The following ADAMTS17 variants were observed in gnomAD, a reference collection of about 807,000 sequenced individuals.
ADAMTS17 encodes the protein ADAM metallopeptidase with thrombospondin type 1 motif 17, also known as A disintegrin and metalloproteinase with thrombospondin motifs 17.
ADAMTS17 carries 113 observed loss-of-function variants against 141.5 expected under a neutral mutation model. That is an observed-to-expected ratio of 0.80 (90% CI 0.69 to 0.93). The LOEUF is 0.93. Ranked by LOEUF, ADAMTS17 falls within the 40% of genes least tolerant of loss-of-function variation. The pLI is 0.00. For synonymous variants in ADAMTS17, 768 were observed against 630.6 expected, an observed-to-expected ratio of 1.22 and a Z score of -3.27; for missense variants, 1,659 against 1,517.9, an observed-to-expected ratio of 1.09 and a Z score of -1.54.
At chr15:100,187,458 C>T (rs891730121) in intron 8 of ADAMTS17, among the ~76,000 whole-genome samples, 3 of 152,110 alleles carry the variant, frequency 2.0e-5, no homozygotes, top group African/African-American at 7.2e-5. Flanking sequence ...AGGCAGGTAC[C>T]AGGCTCAACC....
rs192511825 is a variant in ADAMTS17, at chr15:100,235,711, G to A, written c.1075+18425C>T. 2.4e-4 allele frequency among the ~76,000 whole-genome samples: 37 copies of A among 152,268 alleles called. 1 individual carries two copies. The highest frequency in any genetic ancestry group is 7.9e-4 in the African/African-American group (33 of 41,550). ...CTCTCTTCCCAAACACCACCACGGA[G>A]GACTTCCAGGGCCCTCTCTGACATC... On this transcript the variant is annotated intron_variant, in intron 7 of 21. Transcript: ENST00000268070.
intron 12 of ADAMTS17, among the ~76,000 whole-genome samples, chr15:100,118,113 G>T (rs1040363405): frequency 6.6e-6 from 1 of 152,208 alleles, no homozygotes; most frequent in African/African-American, 2.4e-5. Context: ...TACTCCAGGG[G>T]TTGAAAACAT....
chr15:100,334,755 C>T (rs1160678903), intron 2 of ADAMTS17, among the ~76,000 whole-genome samples: 6 of 152,196 alleles, frequency 3.9e-5, no homozygotes, highest in Non-Finnish European at 7.3e-5. Flanking sequence ...TGAGCACAGA[C>T]GCTTGGTCTT....
intron 7 of ADAMTS17, among the ~76,000 whole-genome samples, chr15:100,218,692 A>G (rs965693109): frequency 5.3e-5 from 8 of 152,230 alleles, no homozygotes; most frequent in Non-Finnish European, 1.0e-4. Context: ...TCAACCTAGA[A>G]TTACCATCTG....
intron 3 of ADAMTS17, among the ~76,000 whole-genome samples, chr15:100,310,480 A>G (rs1264917968): frequency 6.6e-6 from 1 of 152,166 alleles, no homozygotes; most frequent in Non-Finnish European, 1.5e-5. Flanking sequence ...AATCCACGGG[A>G]CCCCAACCTA....
In ADAMTS17 at chr15:99,974,387, C is replaced by G; in HGVS notation, c.*15G>C. ...GACCTGAGTCTGAGCTTTGAGCGAC[C>G]CTTGGGACTGCGTGTCACGAGTTCG... On this transcript the variant is annotated 3_prime_UTR_variant, in exon 22 of 22. Coordinates refer to ENST00000268070, the MANE Select transcript of ADAMTS17 (RefSeq NM_139057.4). 2 of 1,614,006 alleles carry G rather than the reference C, an allele frequency of 1.2e-6. No homozygotes were observed. Among genetic ancestry groups the G allele is most frequent in the South Asian group, 1.1e-5 (1 of 91,066 alleles).
intron 3 of ADAMTS17, among the ~76,000 whole-genome samples, chr15:100,323,951 G>C (rs565785234): frequency 6.6e-6 from 1 of 150,498 alleles, no homozygotes; most frequent in East Asian, 2.0e-4. Flanking sequence ...TGCTTCCGGG[G>C]AATAAGCCAG....
chr15:100,241,302 C>A (rs1391046273), intron 7 of ADAMTS17, among the ~76,000 whole-genome samples: 2 of 152,220 alleles, frequency 1.3e-5, no homozygotes, highest in African/African-American at 4.8e-5. Flanking sequence ...CACACCCTGG[C>A]AGGTCACCTG....
At chr15:99,984,352 A>G (rs1206823408) in intron 20 of ADAMTS17, among the ~76,000 whole-genome samples, 3 of 152,236 alleles carry the variant, frequency 2.0e-5, no homozygotes, top group African/African-American at 7.2e-5. Context: ...CAAAAGCTGC[A>G]GTGAGACAGC....
intron 8 of ADAMTS17, among the ~76,000 whole-genome samples, chr15:100,163,685 A>G (rs572871153): frequency 1.8e-4 from 28 of 152,180 alleles, no homozygotes; most frequent in Non-Finnish European, 3.5e-4. Context: ...GCTCTAAGAA[A>G]TGGCTGCTGT....
chr15:99,977,881 C>A (rs1289269498), intron 20 of ADAMTS17, among the ~76,000 whole-genome samples: 1 of 152,156 alleles, frequency 6.6e-6, no homozygotes, highest in South Asian at 2.1e-4. Context: ...ACAGCCAGGT[C>A]CATGAGTATA....
intron 18 of ADAMTS17, among the ~76,000 whole-genome samples, chr15:100,019,149 G>A (rs1241005073): frequency 2.0e-5 from 3 of 152,186 alleles, no homozygotes; most frequent in South Asian, 2.1e-4. Flanking sequence ...GCAACACGGC[G>A]AGTTCCCAGG....
chr15:100,036,879 G>A (rs2030773738), intron 18 of ADAMTS17, among the ~76,000 whole-genome samples: 1 of 152,098 alleles, frequency 6.6e-6, no homozygotes, highest in Non-Finnish European at 1.5e-5. Context: ...CATGTTTTCA[G>A]GGTTTCTCTG....
At chr15:100,198,313 G>C (rs1237902788) in intron 8 of ADAMTS17, among the ~76,000 whole-genome samples, 5 of 151,994 alleles carry the variant, frequency 3.3e-5, no homozygotes, top group Non-Finnish European at 7.4e-5. Flanking sequence ...CAAACAAAAA[G>C]TAAAGCCACA....
chr15:100,134,702 G>A (rs1171404712), intron 10 of ADAMTS17, among the ~76,000 whole-genome samples: 1 of 152,196 alleles, frequency 6.6e-6, no homozygotes, highest in Non-Finnish European at 1.5e-5. Flanking sequence ...AAGAGAAAGG[G>A]AAGGAAGGCA....
chr15:100,294,903 G>A (rs748432), intron 3 of ADAMTS17, among the ~76,000 whole-genome samples: 10,140 of 152,242 alleles, frequency 0.067, 644 homozygotes, highest in East Asian at 0.24. Flanking sequence ...CTCTCACCAA[G>A]GTGGGAAGCA....
At chr15:100,039,931 T>G (rs569078002) in intron 18 of ADAMTS17, among the ~76,000 whole-genome samples, 3 of 152,372 alleles carry the variant, frequency 2.0e-5, no homozygotes, top group African/African-American at 7.2e-5. Context: ...CCTGATGGAT[T>G]GCCCTTTTAT....
intron 8 of ADAMTS17, among the ~76,000 whole-genome samples, chr15:100,172,416 G>A (rs7175433): frequency 0.28 from 42,430 of 152,018 alleles, 6,430 homozygotes; most frequent in East Asian, 0.55. Flanking sequence ...CTTCCTCATA[G>A]TTTCAGTAAA....
At chr15:100,199,230 C>T (rs1462716905) in intron 8 of ADAMTS17, 88 bp downstream of exon 8, 35 of 1,254,808 alleles carry the variant, frequency 2.8e-5, no homozygotes, top group Non-Finnish European at 4.0e-5. Context: ...TAGAGCAGCA[C>T]TGTTTTAGAA....
Sources: allele counts gnomAD v4.1 joint callset (sites outside exome capture counted in the v4.1 genomes callset), GRCh38; gene constraint gnomAD v4.1.1; transcripts MANE v1.5; gene names NCBI Gene and HGNC (gene_info 2026-07-23, HGNC 2026-07-21).